Variants in SFXN5 observed in about 807,000 individuals in gnomAD.
SFXN5 encodes the protein sideroflexin-5.
In SFXN5, 43 loss-of-function variants were observed where a neutral mutation model predicts 50.2. The ratio of observed to expected loss-of-function variants is 0.86; its 90% CI spans 0.67 to 1.11. The LOEUF is 1.11. Among genes scored for constraint, SFXN5 ranks in the 50% least tolerant of loss-of-function variants. The probability of loss-of-function intolerance (pLI) is 0.00; values close to 1 mark genes in which losing one functional copy is unlikely to be tolerated. For synonymous variants in SFXN5, 203 were observed against 185.8 expected (o/e 1.09, Z -0.75); for missense variants, 463 against 454.1 (o/e 1.02, Z -0.18).
intron 2 of SFXN5, among the ~76,000 whole-genome samples, chr2:73,052,444 G>T (rs1322342927): frequency 6.6e-6 from 1 of 151,564 alleles, no homozygotes; most frequent in Admixed American, 6.6e-5. Flanking sequence ...ATAGTTCTTT[G>T]TCTTTTCCCC....
intron 3 of SFXN5, among the ~76,000 whole-genome samples, chr2:73,035,784 G>A (rs1356083438): frequency 6.6e-6 from 1 of 152,132 alleles, no homozygotes; most frequent in Non-Finnish European, 1.5e-5. Flanking sequence ...ACAGGTGTGA[G>A]ACACCACGCT....
intron 11 of SFXN5, among the ~76,000 whole-genome samples, chr2:72,969,811 T>C (rs943012457): frequency 3.3e-5 from 5 of 151,964 alleles, no homozygotes; most frequent in African/African-American, 1.2e-4. Context: ...AAGGGAAGCA[T>C]GCTTCAGCTG....
chr2:72,980,551 T>C (rs1393669796), intron 10 of SFXN5, among the ~76,000 whole-genome samples: 1 of 151,214 alleles, frequency 6.6e-6, no homozygotes, highest in Non-Finnish European at 1.5e-5. Context: ...TTGGGGAGAG[T>C]TTCACAACCC....
chr2:72,990,549 T>C (rs1016933557), intron 9 of SFXN5, among the ~76,000 whole-genome samples: 1 of 152,144 alleles, frequency 6.6e-6, no homozygotes, highest in Non-Finnish European at 1.5e-5. Flanking sequence ...AGTGAGCACT[T>C]CCTACGTGAG....
chr2:73,047,259 T>TATATATATATATACACAC (rs1185684095), intron 2 of SFXN5, among the ~76,000 whole-genome samples: 1 of 73,458 alleles, frequency 1.4e-5, no homozygotes, highest in Non-Finnish European at 2.5e-5. Context: ...TATATATATA[T>TATATATATATATACACAC]ATATATATAT....
intron 6 of SFXN5, 91 bp downstream of exon 6, chr2:73,020,148 C>T: frequency 8.2e-7 from 1 of 1,220,082 alleles, no homozygotes; most frequent in Non-Finnish European, 1.2e-6. Flanking sequence ...CCTAAATCAA[C>T]AATTCAGTCA....
rs1258642852 is a variant in SFXN5 at position 73,041,752 on chromosome 2, G to C, written c.172-821C>G. 15 of 289,792 alleles carry C rather than the reference G, an allele frequency of 5.2e-5. No individual in the cohort carries two copies. In the Admixed American group the frequency reaches 5.5e-4, roughly 11 times the overall value. 18.0% of individuals were successfully genotyped at this position (289,792 alleles called of 1,614,324 possible). On this transcript the variant is annotated intron_variant, in intron 2 of 13. Coordinates refer to ENST00000272433, the MANE Select transcript of SFXN5 (RefSeq NM_144579.3). ...ACGTCTTATTTTGTCACCCAGGCTG[G>C]AGTGCAGTGGCACGATCTCAACACA...
intron 2 of SFXN5, among the ~76,000 whole-genome samples, chr2:73,056,782 G>C (rs1015844945): frequency 1.3e-5 from 2 of 152,168 alleles, no homozygotes; most frequent in African/African-American, 4.8e-5. Context: ...ACAATAGCAA[G>C]TGTTGGTGAG....
In SFXN5 at chr2:72,944,941, G is replaced by T; in HGVS notation, c.*81C>A. 1 of 1,338,300 alleles carries T rather than the reference G, an allele frequency of 7.5e-7. No homozygotes were observed. The highest frequency in any genetic ancestry group is 1.1e-6 in the Non-Finnish European group (1 of 951,404). 82.9% of individuals were successfully genotyped at this position (1,338,300 alleles called of 1,614,324 possible). ...TGCTGGGGTTGGCGTGCTGCTCCCT[G>T]CAGGTGCAGCCGTGAGTCTACGGCC... On this transcript the variant is annotated 3_prime_UTR_variant, in exon 14 of 14. Transcript: ENST00000272433.
intron 13 of SFXN5, chr2:72,957,115 C>A: frequency 6.6e-6 from 3 of 455,938 alleles, no homozygotes; most frequent in Non-Finnish European, 1.3e-5. Flanking sequence ...TATAGTGGAC[C>A]ACATCCCCTT....
chr2:73,012,347 T>A (rs1211026490), intron 6 of SFXN5, among the ~76,000 whole-genome samples: 1 of 152,160 alleles, frequency 6.6e-6, no homozygotes, highest in African/African-American at 2.4e-5. Flanking sequence ...TTATAAAACA[T>A]TCTTGGTGGT....
At chr2:73,007,247 G>A (rs1674809044) in intron 6 of SFXN5, among the ~76,000 whole-genome samples, 2 of 152,098 alleles carry the variant, frequency 1.3e-5, no homozygotes. Context: ...ACAGGAGAAA[G>A]GTTTTTTTAA....
At chr2:73,048,310 C>A (rs1212876745) in intron 2 of SFXN5, among the ~76,000 whole-genome samples, 4 of 152,138 alleles carry the variant, frequency 2.6e-5, no homozygotes, top group Non-Finnish European at 2.9e-5. Flanking sequence ...CTCCACCTCC[C>A]GAGTTCAAAA....
At chr2:72,982,867 C>T (rs1392668825) in intron 10 of SFXN5, among the ~76,000 whole-genome samples, 1 of 152,192 alleles carries the variant, frequency 6.6e-6, no homozygotes, top group Non-Finnish European at 1.5e-5. Context: ...TCCAGGGCTG[C>T]AGTGGGGCAC....
chr2:72,945,207 A>G lies in SFXN5; in HGVS notation c.946-108T>C. 2.9e-6 allele frequency: 3 copies of G among 1,020,650 alleles called. No individual in the cohort carries two copies. Among genetic ancestry groups the G allele is most frequent in the South Asian group, 1.5e-5 (1 of 68,724 alleles). 63.2% of individuals were successfully genotyped at this position (1,020,650 alleles called of 1,614,324 possible). ...TGGGCCCCAGAGCTCTGCCCCCTGC[A>G]CCCCCGTGTCCACCCCAGCCAGGGC... On this transcript the variant is annotated intron_variant, in intron 13 of 13. Transcript: ENST00000272433. This position sits in a 1 kb window ranked among gnomAD's most constrained non-coding sequence, Gnocchi z 5.8.
intron 10 of SFXN5, among the ~76,000 whole-genome samples, chr2:72,986,789 G>T (rs1315616606): frequency 1.3e-5 from 2 of 152,160 alleles, no homozygotes; most frequent in Non-Finnish European, 2.9e-5. Context: ...CCAGCCTGGG[G>T]CATCTATGGT....
At chr2:72,995,438 T>C (rs1466670871) in intron 9 of SFXN5, among the ~76,000 whole-genome samples, 1 of 152,190 alleles carries the variant, frequency 6.6e-6, no homozygotes, top group Non-Finnish European at 1.5e-5. Context: ...GAGTCTTCAC[T>C]TGGGGGCATG....
At chr2:73,022,436 A>G in intron 5 of SFXN5, 86 bp downstream of exon 5, 2 of 1,013,916 alleles carry the variant, frequency 2.0e-6, no homozygotes, top group Non-Finnish European at 3.1e-6. Context: ...TCCCCTCCTT[A>G]GGCCAGCACA....
At position 72,954,609 on chromosome 2, in the gene SFXN5, C is replaced by T. The variant is rs935784670; in HGVS notation, c.945+6522G>A. Among the ~76,000 whole-genome samples, 4 of 152,178 alleles carry T rather than the reference C, an allele frequency of 2.6e-5. No homozygotes were observed. The East Asian group carries it at 7.7e-4, about 29-fold the overall frequency. ...CCCTCTCCCCTGCCCGCAGCCCCAG[C>T]CAGGAAGCACACTACCCAATCTCTC... On this transcript the variant is annotated intron_variant, in intron 13 of 13. Transcript: ENST00000272433.
Sources: gnomAD v4.1 joint callset for allele counts (sites outside exome capture counted in the v4.1 genomes callset) on GRCh38, gnomAD v4.1.1 for gene constraint, Gnocchi (gnomAD v3.1) non-coding constraint, MANE v1.5 for transcripts, NCBI Gene and HGNC (gene_info 2026-07-23, HGNC 2026-07-21) for gene names.